Variants in NR1H3 observed in about 807,000 individuals in gnomAD.
The protein encoded by NR1H3 is nuclear receptor subfamily 1 group H member 3, also known as oxysterols receptor LXR-alpha.
A neutral mutation model predicts 48.1 loss-of-function variants in NR1H3; 19 were observed. The observed-to-expected ratio is 0.40, with a 90% CI of 0.28 to 0.58. NR1H3 has a LOEUF of 0.58. Among genes scored for constraint, NR1H3 ranks in the 20% least tolerant of loss-of-function variants. The probability of loss-of-function intolerance (pLI) is 0.50; values close to 1 mark genes in which losing one functional copy is unlikely to be tolerated. For synonymous variants in NR1H3, 232 were observed against 227.3 expected, an observed-to-expected ratio of 1.02 and a Z score of -0.19; for missense variants, 486 against 595.9, an observed-to-expected ratio of 0.82 and a Z score of 1.92.
chr11:47,252,962 T>G (rs1158984533), intron 1 of NR1H3, among the ~76,000 whole-genome samples: 4 of 146,670 alleles, frequency 2.7e-5, no homozygotes, highest in Admixed American at 6.8e-5. Context: ...TTGTATTCTT[T>G]TTTTTTTTTT....
chr11:47,261,289 A>G lies in NR1H3; in HGVS notation c.548A>G (p.Glu183Gly), dbSNP rs753073495. The G allele has an allele frequency of 1.9e-6, 3 of 1,613,846 alleles. No individual in the cohort carries two copies. The highest frequency in any genetic ancestry group is 1.7e-6 in the Non-Finnish European group (2 of 1,179,962). The part of the protein sequence containing the change: ...QIRLKKLKRQ[E>G]EEQAHATSLP... ...CGCCTGAAGAAACTGAAGCGGCAAG[A>G]GGAGGAACAGGCTCATGCCACATCC... The change falls in exon 5 of 10, where the codon GAG becomes GGG. Residue 183 changes from glutamate to glycine, a missense_variant. Physicochemically the swap from Glu to Gly is moderately conservative, Grantham distance 98. Transcript: ENST00000441012.
upstream of NR1H3, among the ~76,000 whole-genome samples, chr11:47,255,569 C>CTTTT (rs1261649370): frequency 2.3e-5 from 2 of 87,988 alleles, no homozygotes; most frequent in African/African-American, 1.3e-4. Flanking sequence ...TTCTTTCTTT[C>CTTTT]TTTCTTTCTT....
chr11:47,260,817 G>A (rs1383832659), intron 4 of NR1H3, 142 bp downstream of exon 4: 3 of 1,131,770 alleles, frequency 2.7e-6, no homozygotes, highest in Non-Finnish European at 3.7e-6. Context: ...GGGCGCGGTG[G>A]CTCATGCCTG....
rs753243596 is a variant in NR1H3 at position 47,268,277 on chromosome 11, G to A, written c.1119G>A (p.Gln373=). Residue 373 remains glutamine, a synonymous_variant, in exon 9 of 10, where the codon CAG becomes CAA. Transcript: ENST00000441012. ...SIFSADRPNV[Q]DQLQVERLQH... ...GACCTATAGACCGGCCCAACGTGCA[G>A]GACCAGCTCCAGGTAGAGAGGCTGC... The A allele has an allele frequency of 2.2e-5, 36 of 1,614,080 alleles. No homozygotes were observed. The highest frequency in any genetic ancestry group is 2.7e-5 in the Non-Finnish European group (32 of 1,179,992).
intron 7 of NR1H3, among the ~76,000 whole-genome samples, chr11:47,265,869 T>A (rs1682706399): frequency 6.6e-6 from 1 of 152,230 alleles, no homozygotes; most frequent in African/African-American, 2.4e-5. Context: ...AGACTCTTTG[T>A]CTCAAAAAAA....
chr11:47,260,574 T>G lies in NR1H3; in HGVS notation c.398T>G (p.Ile133Ser). The G allele has an allele frequency of 6.2e-7, 1 of 1,614,160 alleles. No individual in the cohort carries two copies. Among genetic ancestry groups the G allele is most frequent in the South Asian group, 1.1e-5 (1 of 91,090 alleles). Residue 133 changes from isoleucine to serine, a missense_variant, in exon 4 of 10, where the codon ATC becomes AGC. By Grantham distance (142) the Ile-to-Ser change is moderately radical. Transcript: ENST00000441012. ...RRSVIKGAHY[I>S]CHSGGHCPMD... is the part of the protein sequence containing the mutation. The stretch of plus-strand genomic sequence containing the variant: ...AGCGTCATCAAGGGAGCGCACTACA[T>G]CTGCCACAGTGGCGGCCACTGCCCC...
rs1190555826 is a variant in NR1H3 at position 47,268,299 on chromosome 11, C to A, written c.1141C>A (p.Leu381Met). 1 of 1,614,124 alleles carries A rather than the reference C, an allele frequency of 6.2e-7. No individual in the cohort carries two copies. The highest frequency in any genetic ancestry group is 1.1e-5 in the South Asian group (1 of 91,086). Residue 381 changes from leucine to methionine, a missense_variant, in exon 9 of 10, where the codon CTG becomes ATG. Leu to Met is a conservative substitution (Grantham distance 15). Coordinates refer to ENST00000441012, the MANE Select transcript of NR1H3 (RefSeq NM_005693.4). ...NVQDQLQVER[L>M]QHTYVEALHA... ...GCAGGACCAGCTCCAGGTAGAGAGG[C>A]TGCAGCACACATATGTGGAAGCCCT...
chr11:47,257,545 C>T (rs41275184), upstream of NR1H3: 17,812 of 608,170 alleles, frequency 0.029, 330 homozygotes, highest in Non-Finnish European at 0.033. Flanking sequence ...TTGGCCTCTT[C>T]CCAGAGGCAA....
upstream of NR1H3, among the ~76,000 whole-genome samples, chr11:47,256,599 C>A (rs1955194754): frequency 1.3e-5 from 2 of 149,320 alleles, no homozygotes; most frequent in Admixed American, 1.3e-4. Context: ...ATGGCTTGAG[C>A]CCAGGAGTGT....
At chr11:47,260,003 G>T in intron 3 of NR1H3, 24 bp downstream of exon 3, 1 of 1,486,288 alleles carries the variant, frequency 6.7e-7, no homozygotes, top group Non-Finnish European at 8.9e-7. Flanking sequence ...GGGTTTGGAG[G>T]AGGTAGGGGT....
rs573166717 is a variant in NR1H3 at position 47,264,439 on chromosome 11, A to G, written c.988+2421A>G. On this transcript the variant is annotated intron_variant, in intron 7 of 9. Transcript: ENST00000441012. ...GCTATGTTGGCACCTTTTGCCTTCTATAGTAACCGGTGTGCTGCCTGGATG... is the reference window on the plus strand; with the variant it reads ...GCTATGTTGGCACCTTTTGCCTTCTGTAGTAACCGGTGTGCTGCCTGGATG... Among the ~76,000 whole-genome samples the G allele has an allele frequency of 8.5e-5, 13 of 152,306 alleles. No homozygotes were observed. The East Asian group carries it at 1.3e-3, about 16-fold the overall frequency.
intron 1 of NR1H3, chr11:47,258,861 T>A (rs953462759): frequency 1.2e-5 from 3 of 242,434 alleles, no homozygotes; most frequent in Non-Finnish European, 2.4e-5. Flanking sequence ...CTCAGAGGGA[T>A]ATTATGAGGA....
At chr11:47,259,101 G>T in intron 1 of NR1H3, 79 bp from the exon 2 acceptor site, 1 of 1,592,390 alleles carries the variant, frequency 6.3e-7, no homozygotes, top group Non-Finnish European at 8.6e-7. Context: ...TTGATAAAAG[G>T]GAGGATCAGG....
chr11:47,261,356 G>A lies in NR1H3; in HGVS notation c.615G>A (p.Gln205=). Residue 205 remains glutamine, a synonymous_variant, in exon 5 of 10, where the codon CAG becomes CAA. Transcript: ENST00000441012. ...RASSPPQILP[Q]LSPEQLGMIE... is the part of the protein sequence containing the mutation. ...CCTCACCCCCCCAAATCCTGCCCCAGCTCAGCCCGGAACAACTGGGCATGA... is the reference window on the plus strand; with the variant it reads ...CCTCACCCCCCCAAATCCTGCCCCAACTCAGCCCGGAACAACTGGGCATGA... The A allele has an allele frequency of 1.9e-6, 3 of 1,613,876 alleles. No homozygotes were observed. The highest frequency in any genetic ancestry group is 2.5e-6 in the Non-Finnish European group (3 of 1,179,974).
rs533930268 is a variant in NR1H3 at position 47,260,091 on chromosome 11, A to C, written c.232+112A>C. ...TATATAATCTCATGGTTAAGTTCAGAGGCTTTAGAGCTAACTAAATCTGAC... is the reference window on the plus strand; with the variant it reads ...TATATAATCTCATGGTTAAGTTCAGCGGCTTTAGAGCTAACTAAATCTGAC... On this transcript the variant is annotated intron_variant, in intron 3 of 9. Transcript: ENST00000441012. 19 of 1,017,656 alleles carry C rather than the reference A, an allele frequency of 1.9e-5. No homozygotes were observed. In the African/African-American group the frequency reaches 2.8e-4, roughly 15 times the overall value. The allele number at this position is 1,017,656 out of a possible 1,614,324, so 63.0% of individuals were successfully genotyped here.
At chr11:47,248,651 C>A (rs766547026), upstream of NR1H3, 29 of 1,597,706 alleles carry the variant, frequency 1.8e-5, no homozygotes, top group South Asian at 2.8e-4. Flanking sequence ...TCAGGGAAGT[C>A]TTTGGTGAGC....
At chr11:47,250,105 C>T (rs1954513762) in intron 1 of NR1H3, among the ~76,000 whole-genome samples, 1 of 151,894 alleles carries the variant, frequency 6.6e-6, no homozygotes, top group Non-Finnish European at 1.5e-5. Context: ...CTCAAAACAA[C>T]AACAACAAAA....
intron 1 of NR1H3, among the ~76,000 whole-genome samples, chr11:47,251,276 T>C (rs1258008500): frequency 6.6e-6 from 1 of 152,176 alleles, no homozygotes; most frequent in East Asian, 1.9e-4. Context: ...ATCCTTTCAA[T>C]AAAGAGGTAT....
intron 7 of NR1H3, among the ~76,000 whole-genome samples, chr11:47,264,587 C>T (rs1956270200): frequency 6.6e-6 from 1 of 152,230 alleles, no homozygotes; most frequent in East Asian, 1.9e-4. Flanking sequence ...CCGTGGCTCT[C>T]CCCTCCTTCA....
Sources: allele counts gnomAD v4.1 joint callset (sites outside exome capture counted in the v4.1 genomes callset), GRCh38; gene constraint gnomAD v4.1.1; transcripts MANE v1.5; gene names NCBI Gene and HGNC (gene_info 2026-07-23, HGNC 2026-07-21).